The following GNAQ variants were observed in gnomAD, a reference collection of about 807,000 sequenced individuals.
The protein encoded by GNAQ is guanine nucleotide-binding protein G(q) subunit alpha.
Under a neutral mutation model 43.9 loss-of-function variants are expected in GNAQ, and 8 were observed. That is an observed-to-expected ratio of 0.18 (90% CI 0.11 to 0.33). GNAQ has a LOEUF of 0.33. Among genes scored for constraint, GNAQ ranks in the 10% least tolerant of loss-of-function variants. GNAQ has a pLI of 1.00. For synonymous variants in GNAQ, 155 were observed against 170.7 expected (o/e 0.91, Z 0.71); for missense variants, 158 against 450.8 (o/e 0.35, Z 5.88).
intron 2 of GNAQ, among the ~76,000 whole-genome samples, chr9:77,832,685 C>T (rs1054454281): frequency 3.3e-5 from 5 of 152,174 alleles, no homozygotes; most frequent in African/African-American, 4.8e-5. Context: ...GGGATCTATG[C>T]GAATCCTTCT....
intron 2 of GNAQ, among the ~76,000 whole-genome samples, chr9:77,854,216 A>G (rs1443591930): frequency 3.9e-5 from 6 of 152,284 alleles, no homozygotes; most frequent in African/African-American, 1.4e-4. Context: ...TAGCCCAGAG[A>G]TGAATGTGTT....
chr9:77,995,406 G>C (rs1402312631), intron 1 of GNAQ, among the ~76,000 whole-genome samples: 3 of 152,120 alleles, frequency 2.0e-5, no homozygotes, highest in Non-Finnish European at 4.4e-5. Context: ...TGAGGGAAGA[G>C]GATGAGGAAA....
intron 1 of GNAQ, among the ~76,000 whole-genome samples, chr9:77,973,957 G>T (rs1823269885): frequency 6.6e-6 from 1 of 151,920 alleles, no homozygotes; most frequent in Non-Finnish European, 1.5e-5. Context: ...TTCTCATATG[G>T]TGAATACTAT....
At chr9:77,792,629 T>G (rs1407744171) in intron 5 of GNAQ, among the ~76,000 whole-genome samples, 6 of 152,136 alleles carry the variant, frequency 3.9e-5, no homozygotes, top group Non-Finnish European at 7.4e-5. Flanking sequence ...CTTTTCTATT[T>G]TGATAATTTT....
At chr9:77,979,154 A>G (rs184950247) in intron 1 of GNAQ, among the ~76,000 whole-genome samples, 51 of 152,262 alleles carry the variant, frequency 3.3e-4, no homozygotes, top group Admixed American at 7.8e-4. Flanking sequence ...CCAGGAGTTC[A>G]AGACCAGCCT....
intron 2 of GNAQ, among the ~76,000 whole-genome samples, chr9:77,851,387 A>G (rs1292533882): frequency 3.3e-5 from 5 of 152,036 alleles, no homozygotes; most frequent in South Asian, 2.1e-4. Context: ...AAGGTTTCTG[A>G]TATGTGTCAT....
chr9:77,903,104 G>A (rs1828638920), intron 2 of GNAQ, among the ~76,000 whole-genome samples: 1 of 152,126 alleles, frequency 6.6e-6, no homozygotes, highest in African/African-American at 2.4e-5. Context: ...GGGGTGGGAA[G>A]AGCTCATGAG....
At chr9:77,739,191 A>G (rs1294186845) in intron 5 of GNAQ, among the ~76,000 whole-genome samples, 1 of 152,188 alleles carries the variant, frequency 6.6e-6, no homozygotes, top group Non-Finnish European at 1.5e-5. Context: ...TCTTTTTCAT[A>G]TCAAATTACA....
At chr9:77,975,376 A>T (rs1823285297) in intron 1 of GNAQ, among the ~76,000 whole-genome samples, 1 of 152,146 alleles carries the variant, frequency 6.6e-6, no homozygotes, top group Non-Finnish European at 1.5e-5. Flanking sequence ...GTACCAGCTA[A>T]GCCTCACAAT....
intron 1 of GNAQ, among the ~76,000 whole-genome samples, chr9:77,960,619 G>A (rs1267083353): frequency 6.6e-6 from 1 of 152,184 alleles, no homozygotes; most frequent in African/African-American, 2.4e-5. Flanking sequence ...CTAGCCCAGA[G>A]AGGGCGGAGT....
chr9:77,758,802 TTTG>T (rs1825943396), intron 5 of GNAQ, among the ~76,000 whole-genome samples: 1 of 152,166 alleles, frequency 6.6e-6, no homozygotes, highest in African/African-American at 2.4e-5. Flanking sequence ...TGATGTTCAT[TTTG>T]TTTTTTCTAG....
intron 2 of GNAQ, among the ~76,000 whole-genome samples, chr9:77,869,050 A>G (rs1011430702): frequency 6.6e-6 from 1 of 152,222 alleles, no homozygotes; most frequent in Admixed American, 6.5e-5. Flanking sequence ...TTAGGGACTC[A>G]GTCAATATAT....
At chr9:77,916,387 A>T (rs141232366) in intron 2 of GNAQ, among the ~76,000 whole-genome samples, 165 of 152,348 alleles carry the variant, frequency 1.1e-3, no homozygotes, top group African/African-American at 3.9e-3. Flanking sequence ...TGTTGCACAA[A>T]GTAGTAATGT....
chr9:77,835,503 C>T (rs1318249518), intron 2 of GNAQ, among the ~76,000 whole-genome samples: 1 of 151,786 alleles, frequency 6.6e-6, no homozygotes, highest in Non-Finnish European at 1.5e-5. Context: ...TATCTTGAAC[C>T]AAGTAGAGAA....
Position 77,764,548 on chromosome 9 carries a change from C to T in GNAQ, c.735+29915G>A, listed in dbSNP as rs543633241. On this transcript the variant is annotated intron_variant, in intron 5 of 6. Transcript: ENST00000286548. ...TCAGCTCACTGCAAGCTCTGCCTCC[C>T]GGGTTCACGCTATTCTCCTGCCTCA... Among the ~76,000 whole-genome samples the T allele has an allele frequency of 7.9e-5, 12 of 152,104 alleles. No homozygotes were observed. In the South Asian group the frequency reaches 2.5e-3, roughly 32 times the overall value.
intron 2 of GNAQ, among the ~76,000 whole-genome samples, chr9:77,851,816 G>A (rs771724241): frequency 3.9e-5 from 6 of 152,100 alleles, no homozygotes; most frequent in African/African-American, 1.2e-4. Flanking sequence ...ACAGTCCATC[G>A]TTTCCAACCC....
intron 2 of GNAQ, among the ~76,000 whole-genome samples, chr9:77,843,974 C>G (rs1236636067): frequency 1.3e-5 from 2 of 152,150 alleles, no homozygotes; most frequent in African/African-American, 2.4e-5. Context: ...TGACCACACC[C>G]CACCATTCTG....
At chr9:77,939,163 G>A (rs573639918) in intron 1 of GNAQ, among the ~76,000 whole-genome samples, 1 of 152,268 alleles carries the variant, frequency 6.6e-6, no homozygotes, top group Admixed American at 6.5e-5. Context: ...ACCTTCCTAA[G>A]GATATGGAAT....
At chr9:77,972,813 C>CGTG (rs1180077791) in intron 1 of GNAQ, among the ~76,000 whole-genome samples, 2 of 151,686 alleles carry the variant, frequency 1.3e-5, no homozygotes, top group Non-Finnish European at 2.9e-5. Context: ...ATTAGCCGGG[C>CGTG]GTGGTGGTGG....
Sources: allele counts gnomAD v4.1 joint callset (sites outside exome capture counted in the v4.1 genomes callset), GRCh38; gene constraint gnomAD v4.1.1; transcripts MANE v1.5; gene names NCBI Gene and HGNC (gene_info 2026-07-23, HGNC 2026-07-21).